The following COL11A1 variants were observed in gnomAD, a reference collection of about 807,000 sequenced individuals.
COL11A1 encodes collagen alpha-1(XI) chain.
In COL11A1, 74 loss-of-function variants were observed where a neutral mutation model predicts 265.2. That is an observed-to-expected ratio of 0.28 (90% CI 0.23 to 0.34). The LOEUF is 0.34. Among genes scored for constraint, COL11A1 ranks in the 10% least tolerant of loss-of-function variants. COL11A1 has a pLI of 1.00. For synonymous variants in COL11A1, 816 were observed against 727.6 expected (o/e 1.12, Z -1.96); for missense variants, 2,165 against 2,263.6 (o/e 0.96, Z 0.88).
intron 5 of COL11A1, among the ~76,000 whole-genome samples, chr1:103,026,877 A>AT (rs34583128): frequency 0.079 from 12,012 of 152,070 alleles, 524 homozygotes; most frequent in Middle Eastern, 0.15. Context: ...TATATACTGT[A>AT]TTAAAATACT....
At chr1:102,883,360 G>T in intron 63 of COL11A1, 49 bp from the exon 64 acceptor site, 4 of 1,126,324 alleles carry the variant, frequency 3.6e-6, no homozygotes, top group Non-Finnish European at 5.4e-6. Flanking sequence ...TGACATCATT[G>T]TTGAATGCAT....
chr1:102,928,414 T>C (rs1656912537), intron 46 of COL11A1, among the ~76,000 whole-genome samples: 1 of 151,906 alleles, frequency 6.6e-6, no homozygotes, highest in Non-Finnish European at 1.5e-5. Flanking sequence ...TCCATGTCCC[T>C]ACAAAGGACA....
intron 14 of COL11A1, 80 bp downstream of exon 14, chr1:103,012,333 C>T: frequency 2.0e-6 from 2 of 1,024,110 alleles, no homozygotes; most frequent in Non-Finnish European, 3.1e-6. Context: ...CATAGATATG[C>T]ACAATCCCTG....
chr1:102,883,388 TAGAA>T (rs1333091026), intron 63 of COL11A1, 77 bp from the exon 64 acceptor site: 12 of 943,302 alleles, frequency 1.3e-5, no homozygotes, highest in Non-Finnish European at 1.9e-5. Flanking sequence ...CAAATTTTGT[TAGAA>T]AGAGAAATAA....
At chr1:103,093,970 A>G (rs529069239) in intron 1 of COL11A1, among the ~76,000 whole-genome samples, 421 of 152,280 alleles carry the variant, frequency 2.8e-3, no homozygotes, top group Middle Eastern at 0.01. Context: ...GGGTTACACC[A>G]TTGAAGATGT....
intron 13 of COL11A1, among the ~76,000 whole-genome samples, chr1:103,012,689 C>A (rs1296200831): frequency 2.0e-5 from 3 of 152,072 alleles, no homozygotes; most frequent in South Asian, 4.1e-4. Context: ...CATATAAAAT[C>A]TTGTAATATA....
chr1:103,065,907 G>T (rs1202330881), intron 4 of COL11A1, among the ~76,000 whole-genome samples: 1 of 152,050 alleles, frequency 6.6e-6, no homozygotes, highest in Admixed American at 6.6e-5. Context: ...CTTAATAGCA[G>T]CTAAAGTGGT....
intron 43 of COL11A1, among the ~76,000 whole-genome samples, chr1:102,939,757 G>T (rs1234511428): frequency 1.3e-5 from 2 of 151,996 alleles, no homozygotes; most frequent in Non-Finnish European, 2.9e-5. Flanking sequence ...ATTCTTTTCT[G>T]CTAATTTTCC....
chr1:102,944,167 T>G (rs1349957916), intron 42 of COL11A1, among the ~76,000 whole-genome samples: 1 of 152,180 alleles, frequency 6.6e-6, no homozygotes, highest in Admixed American at 6.5e-5. Context: ...TGCTGATAAC[T>G]GCATAACATT....
rs143516804 is a variant in COL11A1, at chr1:102,979,157, C to T, written c.2611-53G>A. On this transcript the variant is annotated intron_variant, in intron 32 of 66. Transcript: ENST00000370096. Reference sequence around the variant, plus strand: ...GCAGTATATCACAGTAAATTATGAGCCTGGTGCTGAGACTGAGTAGTCATG... The same window carrying T: ...GCAGTATATCACAGTAAATTATGAGTCTGGTGCTGAGACTGAGTAGTCATG... 526 of 1,531,020 alleles carry T rather than the reference C, an allele frequency of 3.4e-4. 3 individuals carry two copies. In the African/African-American group the frequency reaches 6.1e-3, roughly 18 times the overall value. The allele number at this position is 1,531,020 out of a possible 1,614,324, so 94.8% of individuals were successfully genotyped here. A position where few individuals can be genotyped will look rare whatever the true frequency, so the allele number is the denominator to read the frequency against.
At chr1:102,907,664 T>C (rs1326995411) in intron 54 of COL11A1, among the ~76,000 whole-genome samples, 1 of 152,092 alleles carries the variant, frequency 6.6e-6, no homozygotes, top group Admixed American at 6.5e-5. Context: ...TTCAACGTTA[T>C]ATACACATAC....
chr1:103,039,712 T>G lies in COL11A1; in HGVS notation c.652-8468A>C, dbSNP rs183509207. Among the ~76,000 whole-genome samples, 8 of 151,820 alleles carry G rather than the reference T, an allele frequency of 5.3e-5. No homozygotes were observed. In the East Asian group the frequency reaches 1.5e-3, roughly 29 times the overall value. On this transcript the variant is annotated intron_variant, in intron 4 of 66. Coordinates refer to ENST00000370096, the MANE Select transcript of COL11A1 (RefSeq NM_001854.4). ...CTGTGGCAATTTATTATGGCAGCCC[T>G]AAAAAACTAATATAAATCAGTTAAT... is the stretch of plus-strand genomic sequence containing the variant.
At chr1:103,098,800 A>G (rs1270804578) in intron 1 of COL11A1, among the ~76,000 whole-genome samples, 2 of 151,880 alleles carry the variant, frequency 1.3e-5, no homozygotes, top group Non-Finnish European at 2.9e-5. Context: ...AGAGGGAGAC[A>G]ATATCTAAAT....
intron 3 of COL11A1, among the ~76,000 whole-genome samples, chr1:103,076,826 C>G (rs1005732007): frequency 1.3e-5 from 2 of 152,140 alleles, no homozygotes; most frequent in African/African-American, 4.8e-5. Context: ...ATTGCTACAA[C>G]TGCTGTGCTC....
intron 8 of COL11A1, among the ~76,000 whole-genome samples, 163 bp from the exon 9 acceptor site, chr1:103,021,932 C>T (rs1479282627): frequency 1.3e-5 from 2 of 151,316 alleles, no homozygotes; most frequent in Admixed American, 6.6e-5. Context: ...ACTGCAAGCT[C>T]GCCTGCCGGG....
chr1:103,063,233 A>C (rs1011845430), intron 4 of COL11A1, among the ~76,000 whole-genome samples: 5 of 152,082 alleles, frequency 3.3e-5, no homozygotes, highest in Non-Finnish European at 7.4e-5. Context: ...TCATAAGAAG[A>C]AAAACATCCA....
chr1:102,885,258 T>G (rs776238643), intron 63 of COL11A1, among the ~76,000 whole-genome samples: 8 of 152,220 alleles, frequency 5.3e-5, no homozygotes, highest in Non-Finnish European at 8.8e-5. Flanking sequence ...ATTTTTCTCT[T>G]GTTAACCTTT....
intron 62 of COL11A1, among the ~76,000 whole-genome samples, chr1:102,887,830 A>C (rs1008434277): frequency 6.6e-6 from 1 of 152,170 alleles, no homozygotes; most frequent in African/African-American, 2.4e-5. Flanking sequence ...ACACCCAAAG[A>C]GGGAAGATAA....
intron 49 of COL11A1, among the ~76,000 whole-genome samples, chr1:102,918,572 A>G (rs969891440): frequency 6.2e-5 from 8 of 129,774 alleles, no homozygotes; most frequent in Non-Finnish European, 1.2e-4. Context: ...TGATTAAAAA[A>G]CATCAACAAC....
Sources: allele counts gnomAD v4.1 joint callset (sites outside exome capture counted in the v4.1 genomes callset), GRCh38; gene constraint gnomAD v4.1.1; transcripts MANE v1.5; gene names NCBI Gene and HGNC (gene_info 2026-07-23, HGNC 2026-07-21).